The following SLC7A13 variants were observed in gnomAD, a reference collection of about 807,000 sequenced individuals.
SLC7A13 encodes the protein X-amino acid transporter 2.
SLC7A13 carries 31 observed loss-of-function variants against 32.0 expected under a neutral mutation model. The ratio of observed to expected loss-of-function variants is 0.97; its 90% confidence interval spans 0.73 to 1.31. The LOEUF is 1.31. SLC7A13 is among the 50% of genes most tolerant of loss of function. The probability of loss-of-function intolerance (pLI) is 0.00; values close to 1 mark genes in which losing one functional copy is unlikely to be tolerated. For synonymous variants in SLC7A13, 232 were observed against 206.9 expected, an observed-to-expected ratio of 1.12 and a Z score of -1.04; for missense variants, 633 against 546.9, an observed-to-expected ratio of 1.16 and a Z score of -1.57.
chr8:86,229,784 A>G lies in SLC7A13; in HGVS notation c.494T>C (p.Val165Ala). The G allele has an allele frequency of 6.2e-7, 1 of 1,614,224 alleles. No individual in the cohort carries two copies. The change falls in exon 1 of 4, where the codon GTG becomes GCG. Residue 165 changes from valine to alanine, a missense_variant. Transcript: ENST00000297524. ...GAAGCTAAGTATGGACACTTTCAGC[A>G]CTGAGCTAGCTATCTGAAGCCAAGT... ...EVTWLQIASS[V>A]LKVSILSFIS...
chr8:86,215,907 A>C lies in SLC7A13; in HGVS notation c.1180-1261T>G, dbSNP rs1820173509. 2.6e-5 allele frequency among the ~76,000 whole-genome samples: 4 copies of C among 152,236 alleles called. No individual in the cohort carries two copies. In the South Asian group the frequency reaches 8.3e-4, roughly 32 times the overall value. On this transcript the variant is annotated intron_variant, in intron 3 of 3. Transcript: ENST00000297524. The stretch of plus-strand genomic sequence containing the variant: ...GCAAATGTAAGTTGAATAATAATAT[A>C]AGCAATAATAGCCATCAATGTCAGA...
At chr8:86,222,120 T>C (rs1174845961) in intron 2 of SLC7A13, among the ~76,000 whole-genome samples, 3 of 152,120 alleles carry the variant, frequency 2.0e-5, no homozygotes, top group South Asian at 2.1e-4. Context: ...AACATAAGAA[T>C]TGAGGCAAAG....
chr8:86,217,418 A>G, intron 3 of SLC7A13, 52 bp downstream of exon 3: 2 of 1,423,554 alleles, frequency 1.4e-6, no homozygotes, highest in African/African-American at 1.4e-5. Flanking sequence ...AAATACAGTT[A>G]TACTCAATAT....
chr8:86,224,954 C>G (rs917372134), intron 1 of SLC7A13, among the ~76,000 whole-genome samples: 2 of 151,282 alleles, frequency 1.3e-5, no homozygotes, highest in Admixed American at 1.3e-4. Context: ...GTCTTGAACT[C>G]CTGGCCTCAA....
At chr8:86,215,542 TG>T in intron 3 of SLC7A13, 2 of 322,592 alleles carry the variant, frequency 6.2e-6, no homozygotes, top group South Asian at 4.6e-5. Flanking sequence ...AAAAGTTAGC[TG>T]GGTGTGGTGG....
In SLC7A13 at chr8:86,229,583, G is replaced by T. The variant is rs1350943072; in HGVS notation, c.685+10C>A. On this transcript the variant is annotated intron_variant, in intron 1 of 3. Transcript: ENST00000297524. The stretch of plus-strand genomic sequence containing the variant: ...ATGATTTTAGATTTTTTTCCTCAAT[G>T]GATTGTTACCTGCTATAAGTGTAAA... 1.9e-6 allele frequency: 3 copies of T among 1,596,850 alleles called. No individual in the cohort carries two copies. Among genetic ancestry groups the T allele is most frequent in the East Asian group, 4.5e-5 (2 of 44,620 alleles).
intron 1 of SLC7A13, among the ~76,000 whole-genome samples, chr8:86,227,242 G>A (rs1299281383): frequency 6.6e-6 from 1 of 152,096 alleles, no homozygotes; most frequent in African/African-American, 2.4e-5. Flanking sequence ...TAGTGGTGGG[G>A]GACCTGAGAT....
Position 86,214,642 on chromosome 8 carries a change from A to C in SLC7A13, c.1184T>G (p.Phe395Cys). The C allele has an allele frequency of 6.2e-7, 1 of 1,602,510 alleles. No individual in the cohort carries two copies. The highest frequency in any genetic ancestry group is 1.1e-5 in the South Asian group (1 of 89,768). ...TATTGTTGCTAATGGAAATGACAAA[A>C]ACACCTGAAAAGAGCAAAGTTTGAA... Reference protein sequence around the residue: ...EPNLSIPYKVFLSFPLATIVI... With the variant: ...EPNLSIPYKVCLSFPLATIVI... The change falls in exon 4 of 4, where the codon TTT becomes TGT. Residue 395 changes from phenylalanine to cysteine, a missense_variant. By Grantham distance (205) the Phe-to-Cys change is radical (BLOSUM62 -2). Transcript: ENST00000297524.
Position 86,214,523 on chromosome 8 carries a change from A to C in SLC7A13, c.1303T>G (p.Phe435Val). 5.0e-6 allele frequency: 8 copies of C among 1,613,224 alleles called. No homozygotes were observed. The highest frequency in any genetic ancestry group is 6.8e-6 in the Non-Finnish European group (8 of 1,179,508). ...TTAAAATGTATTAAAGGTATGTAAA[A>C]TAGTAATCCGCTGAGAACTAACAGA... ...VLLLVLSGLL[F>V]YIPLIHFKIR... Residue 435 changes from phenylalanine (F) to valine (V), a missense_variant, in exon 4 of 4, where the codon TTT becomes GTT. By Grantham distance (50) the Phe-to-Val change is conservative. Coordinates refer to ENST00000297524, the MANE Select transcript of SLC7A13 (RefSeq NM_138817.3).
Position 86,229,744 on chromosome 8 carries a change from T to C in SLC7A13, c.534A>G (p.Gly178=). ...VSILSFISLT[G]VVFLIRGKKE... ...TTTTCCCTCTTATCAGGAACACTAC[T>C]CCAGTTAGGGAAATGAAGCTAAGTA... Residue 178 remains glycine (G), a synonymous_variant, in exon 1 of 4, where the codon GGA becomes GGG. Transcript: ENST00000297524. The C allele has an allele frequency of 1.2e-6, 2 of 1,614,176 alleles. No homozygotes were observed. The highest frequency in any genetic ancestry group is 1.3e-5 in the African/African-American group (1 of 75,060).
chr8:86,222,730 T>C (rs1218690090), intron 2 of SLC7A13, among the ~76,000 whole-genome samples: 1 of 152,214 alleles, frequency 6.6e-6, no homozygotes, highest in Non-Finnish European at 1.5e-5. Flanking sequence ...GAATCTGATC[T>C]ACACCATACA....
chr8:86,217,963 CATTT>C, intron 2 of SLC7A13, 132 bp from the exon 3 acceptor site: 1 of 1,013,970 alleles, frequency 9.9e-7, no homozygotes, highest in East Asian at 2.7e-5. Flanking sequence ...TTAATTTTAT[CATTT>C]ATTTCCTTAG....
intron 2 of SLC7A13, among the ~76,000 whole-genome samples, chr8:86,220,715 A>T (rs576560549): frequency 6.6e-6 from 1 of 152,266 alleles, no homozygotes; most frequent in African/African-American, 2.4e-5. Context: ...TTAATTTAAG[A>T]AACTATATTT....
chr8:86,220,861 A>G (rs980633986), intron 2 of SLC7A13, among the ~76,000 whole-genome samples: 11 of 151,744 alleles, frequency 7.2e-5, no homozygotes, highest in Admixed American at 3.9e-4. Flanking sequence ...AGGTGTGGTG[A>G]CCCATGCCTG....
In SLC7A13 at chr8:86,217,525, A is replaced by G; in HGVS notation, c.1124T>C (p.Met375Thr). The G allele has an allele frequency of 6.2e-7, 1 of 1,606,910 alleles. No homozygotes were observed. Among genetic ancestry groups the G allele is most frequent in the Non-Finnish European group, 8.5e-7 (1 of 1,177,418 alleles). The change falls in exon 3 of 4, where the codon ATG becomes ACG. Residue 375 changes from methionine (M) to threonine (T), a missense_variant. Coordinates refer to ENST00000297524, the MANE Select transcript of SLC7A13 (RefSeq NM_138817.3). ...GTATCTCCGCCTTAGTATTCCTATC[A>G]TTAATAATATAGACCATAATGAACC... ...FTGSLWSILLMIGILRRRYQE... is the reference protein window; with the variant it reads ...FTGSLWSILLTIGILRRRYQE...
intron 1 of SLC7A13, among the ~76,000 whole-genome samples, chr8:86,227,458 T>C (rs1820406978): frequency 6.6e-6 from 1 of 152,170 alleles, no homozygotes; most frequent in African/African-American, 2.4e-5. Context: ...CTGTCTAACA[T>C]TGAAGGGAAG....
At chr8:86,220,096 T>C (rs1820268372) in intron 2 of SLC7A13, among the ~76,000 whole-genome samples, 1 of 152,124 alleles carries the variant, frequency 6.6e-6, no homozygotes, top group South Asian at 2.1e-4. Context: ...TTTAACAACA[T>C]CTGGGTACTT....
intron 1 of SLC7A13, 120 bp from the exon 2 acceptor site, chr8:86,223,223 G>A: frequency 2.0e-6 from 2 of 981,368 alleles, no homozygotes; most frequent in East Asian, 2.9e-5. Context: ...ATTTTATTAT[G>A]TGGATAGGTT....
intron 1 of SLC7A13, among the ~76,000 whole-genome samples, chr8:86,223,312 A>T (rs1315275265): frequency 6.6e-6 from 1 of 152,038 alleles, no homozygotes; most frequent in African/African-American, 2.4e-5. Flanking sequence ...ATTTTTCATC[A>T]TCCACCTGTC....
Sources: gnomAD v4.1 joint callset for allele counts (sites outside exome capture counted in the v4.1 genomes callset) on GRCh38, gnomAD v4.1.1 for gene constraint, MANE v1.5 for transcripts, NCBI Gene and HGNC (gene_info 2026-07-23, HGNC 2026-07-21) for gene names.